Variants in NCOA3 observed in about 807,000 individuals in gnomAD.
The protein encoded by NCOA3 is CBP-interacting protein.
Under a neutral mutation model 158.8 loss-of-function variants are expected in NCOA3, and 51 were observed. That is an observed-to-expected ratio of 0.32 (90% CI 0.26 to 0.41). NCOA3 has a LOEUF of 0.41. Among genes scored for constraint, NCOA3 ranks in the 10% least tolerant of loss-of-function variants. NCOA3 has a pLI of 1.00. For synonymous variants in NCOA3, 537 were observed against 592.4 expected (o/e 0.91, Z 1.36); for missense variants, 1,510 against 1,746.6 (o/e 0.86, Z 2.41).
At chr20:47,622,733 A>G (rs2146298552) in intron 3 of NCOA3, among the ~76,000 whole-genome samples, 1 of 152,340 alleles carries the variant, frequency 6.6e-6, no homozygotes, top group Admixed American at 6.5e-5. Flanking sequence ...TGGGATTATC[A>G]TTAGTTCTTA....
chr20:47,579,683 C>T (rs1568698647), intron 1 of NCOA3, among the ~76,000 whole-genome samples: 1 of 152,288 alleles, frequency 6.6e-6, no homozygotes, highest in East Asian at 1.9e-4. Flanking sequence ...TTATACACTT[C>T]CTTGGAGGGG....
intron 1 of NCOA3, among the ~76,000 whole-genome samples, chr20:47,555,641 T>G (rs2084991758): frequency 7.0e-6 from 1 of 143,786 alleles, no homozygotes; most frequent in South Asian, 2.4e-4. Flanking sequence ...TGTTTTTTTT[T>G]TTTTTTTTTT....
chr20:47,544,093 T>A (rs1320035413), intron 1 of NCOA3, among the ~76,000 whole-genome samples: 2 of 152,174 alleles, frequency 1.3e-5, no homozygotes. Flanking sequence ...GTTATAGTGA[T>A]CAAAACTAAG....
At chr20:47,525,908 T>C in intron 1 of NCOA3, among the ~76,000 whole-genome samples, 1 of 142,314 alleles carries the variant, frequency 7.0e-6, no homozygotes, top group Non-Finnish European at 1.5e-5. Context: ...CCCACCTCCC[T>C]CCCGGATGGG....
At chr20:47,530,868 GCAAACA>G (rs1368195017) in intron 1 of NCOA3, among the ~76,000 whole-genome samples, 1 of 152,096 alleles carries the variant, frequency 6.6e-6, no homozygotes, top group African/African-American at 2.4e-5. Context: ...AAATTTAAAG[GCAAACA>G]AGGTGTTATT....
chr20:47,573,929 ATAAC>A (rs1443457643), intron 1 of NCOA3, among the ~76,000 whole-genome samples: 1 of 152,196 alleles, frequency 6.6e-6, no homozygotes, highest in Non-Finnish European at 1.5e-5. Flanking sequence ...TGGCCATTAA[ATAAC>A]AACCCTTTTC....
chr20:47,616,538 T>TTTAATACATTTAATACA (rs2086142707), intron 2 of NCOA3, among the ~76,000 whole-genome samples: 1 of 152,212 alleles, frequency 6.6e-6, no homozygotes, highest in African/African-American at 2.4e-5. Context: ...ATTTAATACA[T>TTTAATACATTTAATACA]TTAAGTAGTG....
chr20:47,578,087 A>C (rs1390743393), intron 1 of NCOA3, among the ~76,000 whole-genome samples: 1 of 152,158 alleles, frequency 6.6e-6, no homozygotes, highest in Non-Finnish European at 1.5e-5. Context: ...TTTTTACTTA[A>C]TTGAACATAC....
intron 8 of NCOA3, chr20:47,628,352 A>C: frequency 4.7e-6 from 1 of 211,880 alleles, no homozygotes. Context: ...ATTTGTCATA[A>C]AGAAACATGT....
intron 1 of NCOA3, among the ~76,000 whole-genome samples, chr20:47,558,560 G>T (rs1235894954): frequency 6.6e-6 from 1 of 152,092 alleles, no homozygotes; most frequent in Non-Finnish European, 1.5e-5. Flanking sequence ...TCCACTGTTT[G>T]CATCAGTTTC....
At chr20:47,551,948 G>A (rs764334220) in intron 1 of NCOA3, among the ~76,000 whole-genome samples, 1 of 152,070 alleles carries the variant, frequency 6.6e-6, no homozygotes, top group Non-Finnish European at 1.5e-5. Flanking sequence ...TGTTTTTTGG[G>A]CTTTAAGGAA....
At chr20:47,569,610 G>A (rs899539653) in intron 1 of NCOA3, among the ~76,000 whole-genome samples, 2 of 152,048 alleles carry the variant, frequency 1.3e-5, no homozygotes, top group African/African-American at 4.8e-5. Context: ...TTGAACTCGG[G>A]AGGCGGAGGT....
At chr20:47,642,019 C>T (rs1425054444) in intron 16 of NCOA3, among the ~76,000 whole-genome samples, 194 bp from the exon 17 acceptor site, 1 of 152,044 alleles carries the variant, frequency 6.6e-6, no homozygotes, top group Non-Finnish European at 1.5e-5. Context: ...TCTAAAGTGG[C>T]CTGGTGAAAT....
rs1213596943 is a variant in NCOA3, at chr20:47,651,019, G to C, written c.3689G>C (p.Ser1230Thr). 1.2e-6 allele frequency: 2 copies of C among 1,614,144 alleles called. No individual in the cohort carries two copies. Among genetic ancestry groups the C allele is most frequent in the South Asian group, 2.2e-5 (2 of 91,082 alleles). Residue 1230 changes from serine to threonine, a missense_variant, in exon 20 of 23, where the codon AGC becomes ACC. Around this residue, in one of 4 missense-constraint regions of NCOA3, gnomAD observed 1,017 missense variants for 1,098.3 expected, o/e 0.93. Transcript: ENST00000371998. ...FLNAQMVAQR[S>T]RELLSHHFRQ... ...AATGCTCAAATGGTCGCCCAACGCA[G>C]CAGAGAGCTGCTAAGTCATCACTTC... is the stretch of plus-strand genomic sequence containing the variant.
chr20:47,617,740 T>C (rs1199944031), intron 2 of NCOA3, among the ~76,000 whole-genome samples: 2 of 152,236 alleles, frequency 1.3e-5, no homozygotes, highest in Non-Finnish European at 2.9e-5. Flanking sequence ...GGACCAGAAA[T>C]GCTTTTTTAT....
intron 1 of NCOA3, among the ~76,000 whole-genome samples, chr20:47,540,078 A>G (rs2084698297): frequency 6.6e-6 from 1 of 152,140 alleles, no homozygotes; most frequent in East Asian, 1.9e-4. Flanking sequence ...CCAGTAGAGG[A>G]TCCAGATTGA....
At chr20:47,602,423 A>G (rs576881578) in intron 2 of NCOA3, among the ~76,000 whole-genome samples, 1 of 152,342 alleles carries the variant, frequency 6.6e-6, no homozygotes, top group East Asian at 1.9e-4. Flanking sequence ...TTTTCTTTAA[A>G]TTGTGATAAT....
intron 1 of NCOA3, among the ~76,000 whole-genome samples, chr20:47,557,586 A>G (rs763894786): frequency 6.6e-6 from 1 of 152,312 alleles, no homozygotes; most frequent in Non-Finnish European, 1.5e-5. Context: ...CATATATACA[A>G]ATTGAGAATG....
intron 1 of NCOA3, among the ~76,000 whole-genome samples, chr20:47,572,903 A>G (rs780148669): frequency 3.2e-4 from 48 of 152,162 alleles, no homozygotes; most frequent in Non-Finnish European, 3.8e-4. Flanking sequence ...GAACACTTAG[A>G]GACCACTATA....
Sources: allele counts gnomAD v4.1 joint callset (sites outside exome capture counted in the v4.1 genomes callset), GRCh38; gene constraint gnomAD v4.1.1; regional missense constraint gnomAD v4.1.1; transcripts MANE v1.5; gene names NCBI Gene and HGNC (gene_info 2026-07-23, HGNC 2026-07-21).